The following SPATA6L variants were observed in gnomAD, a reference collection of about 807,000 sequenced individuals.
The protein encoded by SPATA6L is spermatogenesis associated 6 like.
SPATA6L carries 68 observed loss-of-function variants against 49.2 expected under a neutral mutation model. The observed-to-expected ratio is 1.38, with a 90% CI of 1.14 to 1.69. The LOEUF is 1.69. SPATA6L is among the 40% of genes most tolerant of loss of function. The probability of loss-of-function intolerance (pLI) is 0.00; values close to 1 mark genes in which losing one functional copy is unlikely to be tolerated. For synonymous variants in SPATA6L, 198 were observed against 165.7 expected, an observed-to-expected ratio of 1.19 and a Z score of -1.50; for missense variants, 668 against 464.3, an observed-to-expected ratio of 1.44 and a Z score of -4.03.
At chr9:4,616,555 C>T (rs1828053181) in intron 9 of SPATA6L, among the ~76,000 whole-genome samples, 1 of 152,168 alleles carries the variant, frequency 6.6e-6, no homozygotes, top group Non-Finnish European at 1.5e-5. Flanking sequence ...TGTCTCTGAC[C>T]ACTTGTCTCT....
At chr9:4,660,449 C>T (rs1839357269) in intron 2 of SPATA6L, among the ~76,000 whole-genome samples, 1 of 152,226 alleles carries the variant, frequency 6.6e-6, no homozygotes, top group Non-Finnish European at 1.5e-5. Context: ...CATCACTGGT[C>T]ATCAGAGAAA....
chr9:4,605,498 A>G, intron 9 of SPATA6L, 58 bp from the exon 10 acceptor site: 4 of 1,201,024 alleles, frequency 3.3e-6, no homozygotes, highest in Non-Finnish European at 5.0e-6. Flanking sequence ...GGACACTTAA[A>G]GCACATGACG....
intron 3 of SPATA6L, among the ~76,000 whole-genome samples, chr9:4,651,744 T>C (rs555666574): frequency 6.6e-6 from 1 of 152,268 alleles, no homozygotes; most frequent in South Asian, 2.1e-4. Flanking sequence ...TGTGATAAAA[T>C]TCAACATTAC....
chr9:4,635,352 A>G lies in SPATA6L; in HGVS notation c.274T>C (p.Phe92Leu). The change falls in exon 4 of 12, where the codon TTC becomes CTC. Residue 92 changes from phenylalanine to leucine, a missense_variant. Transcript: ENST00000682582. ...GAAGGTGTCAGCTTGGGCTCTGGGA[A>G]AAGAAAATCTCGTGTGTTTTCTTCG... ...YYEENTRDFL[F>L]PEPKLTPSHP... The G allele has an allele frequency of 1.3e-6, 2 of 1,589,986 alleles. No homozygotes were observed. Among genetic ancestry groups the G allele is most frequent in the Admixed American group, 3.7e-5 (2 of 54,750 alleles).
rs752742486 is a variant in SPATA6L at position 4,618,104 on chromosome 9, T to C, written c.814A>G (p.Lys272Glu). The C allele has an allele frequency of 6.2e-7, 1 of 1,604,294 alleles. No homozygotes were observed. The highest frequency in any genetic ancestry group is 1.3e-5 in the African/African-American group (1 of 74,780). Residue 272 changes from lysine (K) to glutamate (E), a missense_variant, in exon 9 of 12, where the codon AAA (lysine) becomes GAA (glutamate). Transcript: ENST00000682582. ...DSLAANVKVI[K>E]EPDERIVLRS... ...AAAACAATCCGTTCATCTGGCTCTTTGATAACCTGAGTGACAATATGCATT... is the reference window on the plus strand; with the variant it reads ...AAAACAATCCGTTCATCTGGCTCTTCGATAACCTGAGTGACAATATGCATT...
At chr9:4,637,256 T>TC (rs1390912691) in intron 3 of SPATA6L, among the ~76,000 whole-genome samples, 1 of 152,118 alleles carries the variant, frequency 6.6e-6, no homozygotes, top group East Asian at 1.9e-4. Context: ...CCTCTAAGGT[T>TC]CCCTCTCTGG....
At chr9:4,611,447 A>G (rs1225657536) in intron 9 of SPATA6L, among the ~76,000 whole-genome samples, 2 of 149,490 alleles carry the variant, frequency 1.3e-5, no homozygotes, top group African/African-American at 5.2e-5. Context: ...GCACATATAT[A>G]CCACGGAATA....
intron 7 of SPATA6L, among the ~76,000 whole-genome samples, chr9:4,621,454 C>T (rs775284073): frequency 4.6e-5 from 7 of 152,206 alleles, no homozygotes; most frequent in Non-Finnish European, 1.0e-4. Flanking sequence ...GATGTCATGA[C>T]ATCACCATCA....
intron 13 of SPATA6L, among the ~76,000 whole-genome samples, chr9:4,592,708 G>C (rs945897932): frequency 1.3e-5 from 2 of 152,204 alleles, no homozygotes; most frequent in African/African-American, 2.4e-5. Context: ...AGTAGCTATA[G>C]TTAATACTGC....
At chr9:4,611,409 G>T (rs552166210) in intron 9 of SPATA6L, among the ~76,000 whole-genome samples, 1 of 143,644 alleles carries the variant, frequency 7.0e-6, no homozygotes, top group Non-Finnish European at 1.5e-5. Flanking sequence ...AAATGTCCAA[G>T]AATGATAGAC....
intron 13 of SPATA6L, among the ~76,000 whole-genome samples, chr9:4,593,120 G>C (rs1002710393): frequency 6.6e-6 from 1 of 152,156 alleles, no homozygotes; most frequent in African/African-American, 2.4e-5. Flanking sequence ...CAAGTTCACA[G>C]AGCTGGGACT....
intron 9 of SPATA6L, among the ~76,000 whole-genome samples, chr9:4,606,641 T>G (rs1299860830): frequency 3.5e-5 from 2 of 57,010 alleles, no homozygotes; most frequent in Admixed American, 2.3e-4. Flanking sequence ...AAAACCCATC[T>G]GTACATCACC....
intron 10 of SPATA6L, 118 bp from the exon 11 acceptor site, chr9:4,604,387 G>T: frequency 1.6e-6 from 1 of 633,244 alleles, no homozygotes; most frequent in Middle Eastern, 3.1e-4. Flanking sequence ...CCGTTATATG[G>T]GGTTCACTAT....
chr9:4,593,874 G>A (rs1234337443), downstream of SPATA6L, among the ~76,000 whole-genome samples: 1 of 152,056 alleles, frequency 6.6e-6, no homozygotes, highest in African/African-American at 2.4e-5. Flanking sequence ...CTCTCCCTGT[G>A]CCACACACAC....
intron 5 of SPATA6L, chr9:4,627,487 C>A: frequency 3.4e-6 from 1 of 296,066 alleles, no homozygotes; most frequent in Non-Finnish European, 6.5e-6. Flanking sequence ...TTTTCTAGGA[C>A]CCTACATGAG....
chr9:4,605,950 G>A (rs958576512), intron 9 of SPATA6L, among the ~76,000 whole-genome samples: 3 of 152,162 alleles, frequency 2.0e-5, no homozygotes, highest in Non-Finnish European at 4.4e-5. Context: ...GCCAGTGTGT[G>A]CGCGCACCGT....
At chr9:4,639,123 A>T (rs544953258) in intron 3 of SPATA6L, among the ~76,000 whole-genome samples, 14 of 152,306 alleles carry the variant, frequency 9.2e-5, no homozygotes, top group African/African-American at 3.4e-4. Context: ...AGCCATGTAG[A>T]ATGCACAGCA....
At chr9:4,653,782 C>CA (rs1291417728) in intron 3 of SPATA6L, among the ~76,000 whole-genome samples, 1 of 151,912 alleles carries the variant, frequency 6.6e-6, no homozygotes, top group Non-Finnish European at 1.5e-5. Context: ...AAAACAAAAA[C>CA]AAAAAATAGC....
rs1824509118 is a variant in SPATA6L at position 4,605,376 on chromosome 9, A to G, written c.1060T>C (p.Ser354Pro). The stretch of plus-strand genomic sequence containing the variant: ...TTTTGGTGCAGCTGTGCTCTGTGGG[A>G]TGTCAGAAGACTGCATACCCTCTCA... ...IHERVCSLLT[S>P]HRAQLHQNKE... The change falls in exon 10 of 12, where the codon TCC becomes CCC. Residue 354 changes from serine to proline, a missense_variant. Physicochemically the swap from Ser to Pro is moderately conservative, Grantham distance 74 (BLOSUM62 -1). Coordinates refer to ENST00000682582, the MANE Select transcript of SPATA6L (RefSeq NM_001353486.2). 5 of 1,614,126 alleles carry G rather than the reference A, an allele frequency of 3.1e-6. No homozygotes were observed. Among genetic ancestry groups the G allele is most frequent in the Non-Finnish European group, 4.2e-6 (5 of 1,179,966 alleles).
Sources: gnomAD v4.1 joint callset for allele counts (sites outside exome capture counted in the v4.1 genomes callset) on GRCh38, gnomAD v4.1.1 for gene constraint, MANE v1.5 for transcripts, NCBI Gene and HGNC (gene_info 2026-07-23, HGNC 2026-07-21) for gene names.